Variants in TBC1D30 observed in about 807,000 individuals in gnomAD.
The protein encoded by TBC1D30 is TBC1 domain family, member 30.
A neutral mutation model predicts 63.2 loss-of-function variants in TBC1D30; 31 were observed. The ratio of observed to expected loss-of-function variants is 0.49; its 90% CI spans 0.37 to 0.66. TBC1D30 has a LOEUF of 0.66. Ranked by LOEUF, TBC1D30 falls within the 30% of genes least tolerant of loss-of-function variation. TBC1D30 has a pLI of 0.00. For missense variants in TBC1D30, 810 were observed against 953.6 expected, an observed-to-expected ratio of 0.85 and a Z score of 1.98; for synonymous variants, 307 against 361.5, an observed-to-expected ratio of 0.85 and a Z score of 1.71.
intron 2 of TBC1D30, among the ~76,000 whole-genome samples, chr12:64,794,739 G>A (rs986355133): frequency 2.6e-5 from 4 of 152,082 alleles, no homozygotes; most frequent in East Asian, 1.9e-4. Flanking sequence ...GCACCTGGCT[G>A]TAACGTTTTC....
At chr12:64,815,362 G>A (rs189825462) in intron 2 of TBC1D30, among the ~76,000 whole-genome samples, 79 of 152,126 alleles carry the variant, frequency 5.2e-4, no homozygotes, top group Non-Finnish European at 1.0e-3. Context: ...AATAAAATTC[G>A]CAGCTACTTT....
At chr12:64,866,475 G>A (rs1430478713) in intron 9 of TBC1D30, among the ~76,000 whole-genome samples, 1 of 151,306 alleles carries the variant, frequency 6.6e-6, no homozygotes, top group Non-Finnish European at 1.5e-5. Context: ...TTGCTCTGTC[G>A]TCGCCCAGGC....
intron 7 of TBC1D30, among the ~76,000 whole-genome samples, chr12:64,842,212 A>T (rs758699635): frequency 4.6e-5 from 7 of 152,082 alleles, no homozygotes; most frequent in Non-Finnish European, 7.4e-5. Flanking sequence ...ACAAAAAACC[A>T]GCAGGGTGTG....
At chr12:64,832,020 C>A in intron 4 of TBC1D30, 99 bp from the exon 5 acceptor site, 1 of 1,176,510 alleles carries the variant, frequency 8.5e-7, no homozygotes. Flanking sequence ...AATTTTATGT[C>A]GATGATTTGA....
chr12:64,762,963 T>C (rs903225152), intron 1 of TBC1D30, among the ~76,000 whole-genome samples: 8 of 152,270 alleles, frequency 5.3e-5, no homozygotes, highest in African/African-American at 1.9e-4. Context: ...TTCGTGACAT[T>C]CTGCATTTTA....
rs1052729003 is a variant in TBC1D30 at position 64,875,397 on chromosome 12, C to T, written c.1895C>T (p.Thr632Met). The change falls in exon 12 of 12, where the codon ACG (threonine) becomes ATG (methionine). Residue 632 changes from threonine (T) to methionine (M), a missense_variant. Coordinates refer to ENST00000539867, the MANE Select transcript of TBC1D30 (RefSeq NM_015279.2). The part of the protein sequence containing the change: ...GSSPEGSTRR[T>M]IEGQSPEPVF... The stretch of plus-strand genomic sequence containing the variant: ...AGCCCTGAAGGCAGTACCAGGAGGA[C>T]GATCGAGGGGCAGTCTCCGGAGCCG... 1.6e-5 allele frequency: 24 copies of T among 1,536,178 alleles called. No homozygotes were observed. In the East Asian group the frequency reaches 2.0e-4, roughly 13 times the overall value.
intron 11 of TBC1D30, among the ~76,000 whole-genome samples, chr12:64,871,092 T>C (rs552276916): frequency 6.6e-6 from 1 of 152,336 alleles, no homozygotes; most frequent in Admixed American, 6.5e-5. Flanking sequence ...TTACAAATGA[T>C]TAAAATGTTG....
chr12:64,793,800 A>G (rs1281508628), intron 2 of TBC1D30, among the ~76,000 whole-genome samples: 1 of 152,158 alleles, frequency 6.6e-6, no homozygotes, highest in African/African-American at 2.4e-5. Flanking sequence ...ACGACTGTTG[A>G]TTGAGCCACG....
chr12:64,856,374 A>C (rs538601117), intron 8 of TBC1D30, among the ~76,000 whole-genome samples: 5 of 152,330 alleles, frequency 3.3e-5, no homozygotes, highest in African/African-American at 1.2e-4. Context: ...CCAAATTATC[A>C]CCAGGTATTA....
At chr12:64,872,909 G>A (rs1189144673) in intron 11 of TBC1D30, among the ~76,000 whole-genome samples, 2 of 152,036 alleles carry the variant, frequency 1.3e-5, no homozygotes, top group African/African-American at 4.8e-5. Context: ...AGAACAGCAC[G>A]GGAAAGACCT....
At chr12:64,836,873 A>G (rs1487051888) in intron 6 of TBC1D30, among the ~76,000 whole-genome samples, 2 of 152,242 alleles carry the variant, frequency 1.3e-5, no homozygotes, top group African/African-American at 4.8e-5. Flanking sequence ...AAGTCAGTGA[A>G]GAGCCTAATA....
chr12:64,834,891 A>G (rs921024099), intron 5 of TBC1D30, among the ~76,000 whole-genome samples: 1 of 151,886 alleles, frequency 6.6e-6, no homozygotes, highest in Non-Finnish European at 1.5e-5. Context: ...TTTTCATGTA[A>G]TTTTGAGAGA....
intron 11 of TBC1D30, 31 bp from the exon 12 acceptor site, chr12:64,874,970 A>G: frequency 6.6e-7 from 1 of 1,513,590 alleles, no homozygotes. Flanking sequence ...TTTGTGGTAC[A>G]CTTCATACTA....
chr12:64,830,728 A>T (rs947103650), intron 4 of TBC1D30, among the ~76,000 whole-genome samples: 1 of 152,252 alleles, frequency 6.6e-6, no homozygotes, highest in Non-Finnish European at 1.5e-5. Context: ...ATGAGCTTTC[A>T]TTCACATTCA....
At chr12:64,798,585 C>G (rs1291582586) in intron 2 of TBC1D30, among the ~76,000 whole-genome samples, 5 of 152,088 alleles carry the variant, frequency 3.3e-5, no homozygotes, top group Non-Finnish European at 7.4e-5. Flanking sequence ...TATTAGACTA[C>G]CTGAAAGACC....
intron 8 of TBC1D30, among the ~76,000 whole-genome samples, chr12:64,856,399 C>G (rs1877304772): frequency 6.6e-6 from 1 of 152,168 alleles, no homozygotes; most frequent in Non-Finnish European, 1.5e-5. Flanking sequence ...GGACTTGGGC[C>G]CCAAGCCCAA....
At chr12:64,874,850 G>A (rs1007602007) in intron 11 of TBC1D30, 151 bp from the exon 12 acceptor site, 8 of 695,782 alleles carry the variant, frequency 1.1e-5, no homozygotes, top group Non-Finnish European at 1.6e-5. Flanking sequence ...AGTTTCTGCT[G>A]TCTTCAGTCA....
chr12:64,811,298 A>G (rs1005819486), intron 2 of TBC1D30, among the ~76,000 whole-genome samples: 1 of 152,230 alleles, frequency 6.6e-6, no homozygotes, highest in Non-Finnish European at 1.5e-5. Context: ...AGTGATTATG[A>G]CAGCTGCTCC....
intron 8 of TBC1D30, among the ~76,000 whole-genome samples, chr12:64,847,873 T>C (rs1019276434): frequency 6.6e-6 from 1 of 151,928 alleles, no homozygotes; most frequent in South Asian, 2.1e-4. Context: ...GATGAAATGT[T>C]CTGTAAATAT....
Sources: gnomAD v4.1 joint callset for allele counts (sites outside exome capture counted in the v4.1 genomes callset) on GRCh38, gnomAD v4.1.1 for gene constraint, MANE v1.5 for transcripts, NCBI Gene and HGNC (gene_info 2026-07-23, HGNC 2026-07-21) for gene names.